Variants in GRM7 observed in about 807,000 individuals in gnomAD.
GRM7 encodes the protein glutamate metabotropic receptor 7.
Under a neutral mutation model 84.5 loss-of-function variants are expected in GRM7, and 35 were observed. The ratio of observed to expected loss-of-function variants is 0.41; its 90% CI spans 0.32 to 0.55. GRM7 has a LOEUF of 0.55. GRM7 is among the 20% of genes least tolerant of loss of function. The probability of loss-of-function intolerance (pLI) is 0.19; values close to 1 mark genes in which losing one functional copy is unlikely to be tolerated. For missense variants in GRM7, 1,003 were observed against 1,194.6 expected (o/e 0.84, Z 2.36); for synonymous variants, 487 against 455.1 (o/e 1.07, Z -0.89).
chr3:6,903,732 A>G (rs1696475405), intron 1 of GRM7, among the ~76,000 whole-genome samples: 3 of 152,156 alleles, frequency 2.0e-5, no homozygotes, highest in Admixed American at 6.5e-5. Context: ...TAGCTTCACC[A>G]TTTATCTCTC....
intron 8 of GRM7, among the ~76,000 whole-genome samples, chr3:7,644,484 C>A (rs565861103): frequency 7.2e-5 from 11 of 152,220 alleles, no homozygotes; most frequent in African/African-American, 2.4e-4. Context: ...CATGATTTTT[C>A]TTTATTCTGT....
intron 1 of GRM7, among the ~76,000 whole-genome samples, chr3:7,027,833 A>AT (rs1160074157): frequency 1.3e-5 from 2 of 150,720 alleles, no homozygotes; most frequent in African/African-American, 2.4e-5. Context: ...CTCCTTATTC[A>AT]TTTTTTTCTT....
rs117728886 is a variant in GRM7, at chr3:7,038,916, T to G, written c.520-107536T>G. On this transcript the variant is annotated intron_variant, in intron 1 of 9. Transcript: ENST00000357716. ...CTTTATGCCGATAGGTTTCTCAGAG[T>G]GGGGTCATCAGAGGGCAGCAACATA... 2.8e-3 allele frequency among the ~76,000 whole-genome samples: 422 copies of G among 151,838 alleles called. 9 individuals carry two copies. The South Asian group carries it at 0.041, about 15-fold the overall frequency.
intron 7 of GRM7, among the ~76,000 whole-genome samples, chr3:7,529,592 A>G (rs1347692605): frequency 3.9e-5 from 6 of 152,128 alleles, no homozygotes; most frequent in Admixed American, 3.9e-4. Flanking sequence ...GCTTTTTCAT[A>G]GGCTCTCCTT....
chr3:7,445,036 C>T (rs1697447431), intron 5 of GRM7, among the ~76,000 whole-genome samples: 2 of 152,134 alleles, frequency 1.3e-5, no homozygotes, highest in Non-Finnish European at 2.9e-5. Context: ...TTTCTTCCTT[C>T]CTCTGCTGGC....
intron 2 of GRM7, among the ~76,000 whole-genome samples, chr3:7,234,201 A>G (rs1473422142): frequency 2.0e-5 from 3 of 152,156 alleles, no homozygotes; most frequent in Admixed American, 2.0e-4. Context: ...AAATAAGGTG[A>G]CTTTTGGAAT....
intron 1 of GRM7, among the ~76,000 whole-genome samples, chr3:6,951,958 T>C (rs1692790651): frequency 6.6e-6 from 1 of 152,332 alleles, no homozygotes; most frequent in Non-Finnish European, 1.5e-5. Flanking sequence ...TCTTTATCCC[T>C]GGTAGTATTT....
intron 7 of GRM7, among the ~76,000 whole-genome samples, chr3:7,574,447 T>C (rs1179484859): frequency 6.6e-6 from 1 of 152,204 alleles, no homozygotes; most frequent in African/African-American, 2.4e-5. Flanking sequence ...CGTGAGCCAC[T>C]GTGCCCAGGT....
At chr3:7,719,661 A>T (rs547784367) in intron 9 of GRM7, among the ~76,000 whole-genome samples, 1 of 152,112 alleles carries the variant, frequency 6.6e-6, no homozygotes, top group Non-Finnish European at 1.5e-5. Flanking sequence ...AAGTGCAAAA[A>T]ATTAGCCTGG....
intron 1 of GRM7, among the ~76,000 whole-genome samples, chr3:6,925,321 A>G (rs566285331): frequency 1.7e-4 from 26 of 152,328 alleles, no homozygotes; most frequent in African/African-American, 6.0e-4. Context: ...GAATGAATGC[A>G]TGAATTAATG....
chr3:7,255,110 T>A (rs1319508898), intron 2 of GRM7, among the ~76,000 whole-genome samples: 2 of 152,208 alleles, frequency 1.3e-5, no homozygotes, highest in African/African-American at 4.8e-5. Context: ...ATACAGGATC[T>A]ATGTTCACTG....
rs1304232152 is a variant in GRM7 at position 6,901,571 on chromosome 3, C to T, written c.519+39664C>T. On this transcript the variant is annotated intron_variant, in intron 1 of 9. Transcript: ENST00000357716. The stretch of plus-strand genomic sequence containing the variant: ...CGAGATTGCACCATTGCACTCCAGC[C>T]TGGCCAGCCTGGTGACAGAGCAAGA... Among the ~76,000 whole-genome samples the T allele has an allele frequency of 9.0e-5, 12 of 133,566 alleles. No individual in the cohort carries two copies. The Admixed American group carries it at 1.0e-3, about 11-fold the overall frequency. The allele number at this position is 133,566 out of a possible 152,430, so 87.6% of individuals were successfully genotyped here.
chr3:7,651,770 C>CAATTCATAGACAGGA (rs1698951163), intron 8 of GRM7, among the ~76,000 whole-genome samples: 1 of 152,114 alleles, frequency 6.6e-6, no homozygotes, highest in African/African-American at 2.4e-5. Flanking sequence ...GAAGAAATAG[C>CAATTCATAGACAGGA]AATTCATAGA....
At chr3:7,660,481 A>G (rs1403762345) in intron 8 of GRM7, among the ~76,000 whole-genome samples, 3 of 152,240 alleles carry the variant, frequency 2.0e-5, no homozygotes, top group African/African-American at 7.2e-5. Flanking sequence ...AAATTATAAA[A>G]TATTTGTGAA....
intron 5 of GRM7, among the ~76,000 whole-genome samples, chr3:7,451,219 A>G (rs1326342936): frequency 2.6e-5 from 4 of 152,210 alleles, no homozygotes; most frequent in Admixed American, 2.6e-4. Flanking sequence ...GCATAATTTA[A>G]TGCAACAAGT....
intron 8 of GRM7, among the ~76,000 whole-genome samples, chr3:7,625,103 A>G (rs1279297337): frequency 6.6e-6 from 1 of 152,168 alleles, no homozygotes; most frequent in Non-Finnish European, 1.5e-5. Flanking sequence ...TATTCACACT[A>G]TGCAATGACT....
rs1235954876 is a variant in GRM7 at position 7,146,648 on chromosome 3, C to G, written c.716C>G (p.Thr239Arg). Residue 239 changes from threonine to arginine, a missense_variant, in exon 2 of 10, where the codon ACG becomes AGG. Thr to Arg is a moderately conservative substitution (Grantham distance 71, BLOSUM62 -1). Transcript: ENST00000357716. Reference sequence around the variant, plus strand: ...GGAGAGAAAGGTGTGGAGTCCTTCACGCAGATTTCCAAAGAGGCAGGTAGG... The same window carrying G: ...GGAGAGAAAGGTGTGGAGTCCTTCAGGCAGATTTCCAAAGAGGCAGGTAGG... ...SYGEKGVESF[T>R]QISKEAGGLC... is the part of the protein sequence containing the mutation. 1 of 1,612,686 alleles carries G rather than the reference C, an allele frequency of 6.2e-7. No homozygotes were observed. The highest frequency in any genetic ancestry group is 1.1e-5 in the South Asian group (1 of 91,070).
chr3:7,103,812 T>C lies in GRM7; in HGVS notation c.520-42640T>C, dbSNP rs766350115. Among the ~76,000 whole-genome samples the C allele has an allele frequency of 5.1e-3, 414 of 81,722 alleles. 15 individuals carry two copies. Among genetic ancestry groups the C allele is most frequent in the African/African-American group, 0.029 (372 of 12,696 alleles). 53.6% of individuals were successfully genotyped at this position (81,722 alleles called of 152,430 possible). Reference sequence around the variant, plus strand: ...TTTCTTTCTTTCTTTCTTTCTTTCTTTCTTTCTCTCTCTCTCTGTCTCTCT... The same window carrying C: ...TTTCTTTCTTTCTTTCTTTCTTTCTCTCTTTCTCTCTCTCTCTGTCTCTCT... On this transcript the variant is annotated intron_variant, in intron 1 of 9. Coordinates refer to ENST00000357716, the MANE Select transcript of GRM7 (RefSeq NM_000844.4).
intron 1 of GRM7, among the ~76,000 whole-genome samples, chr3:6,929,922 C>CAAT (rs1360472712): frequency 2.0e-5 from 3 of 152,156 alleles, no homozygotes; most frequent in African/African-American, 7.2e-5. Context: ...CTCCGGAGAT[C>CAAT]AATACCTCAT....
Sources: gnomAD v4.1 joint callset for allele counts (sites outside exome capture counted in the v4.1 genomes callset) on GRCh38, gnomAD v4.1.1 for gene constraint, MANE v1.5 for transcripts, NCBI Gene and HGNC (gene_info 2026-07-23, HGNC 2026-07-21) for gene names.